NDST4: variants seen among roughly 807,000 people sequenced by gnomAD.
NDST4 encodes the protein N-deacetylase and N-sulfotransferase 4, also known as N-heparan sulfate sulfotransferase 4.
NDST4 carries 63 observed loss-of-function variants against 100.8 expected under a neutral mutation model. That is an observed-to-expected ratio of 0.62 (90% CI 0.51 to 0.77). NDST4 has a LOEUF of 0.77. NDST4 is among the 30% of genes least tolerant of loss of function. The pLI is 0.00. For synonymous variants in NDST4, 377 were observed against 361.8 expected (o/e 1.04, Z -0.48); for missense variants, 943 against 1,018.4 (o/e 0.93, Z 1.01).
chr4:115,004,755 C>G (rs553237714), intron 2 of NDST4, among the ~76,000 whole-genome samples: 11 of 152,236 alleles, frequency 7.2e-5, no homozygotes, highest in African/African-American at 2.6e-4. Context: ...TTCTTTAGTA[C>G]TTAATATTTC....
intron 2 of NDST4, among the ~76,000 whole-genome samples, chr4:115,040,622 A>G (rs1050064818): frequency 1.5e-4 from 23 of 152,112 alleles, no homozygotes; most frequent in South Asian, 4.1e-4. Context: ...TATTAAAACA[A>G]TGAGCATCCC....
intron 2 of NDST4, among the ~76,000 whole-genome samples, chr4:114,981,305 CT>C (rs1341688874): frequency 5.9e-5 from 9 of 151,936 alleles, no homozygotes. Context: ...AACTTTGCCC[CT>C]ATATAGCTAC....
chr4:115,070,089 A>G (rs1030812327), intron 2 of NDST4, among the ~76,000 whole-genome samples: 1 of 152,200 alleles, frequency 6.6e-6, no homozygotes, highest in East Asian at 1.9e-4. Flanking sequence ...CCAAAGGAAT[A>G]TACATCATTT....
chr4:115,019,753 T>C (rs931981464), intron 2 of NDST4, among the ~76,000 whole-genome samples: 1 of 152,126 alleles, frequency 6.6e-6, no homozygotes, highest in Non-Finnish European at 1.5e-5. Flanking sequence ...GCATAAGGGC[T>C]CTGCCCTCAA....
chr4:115,030,022 C>T (rs1250741397), intron 2 of NDST4, among the ~76,000 whole-genome samples: 2 of 151,022 alleles, frequency 1.3e-5, no homozygotes, highest in Admixed American at 1.3e-4. Context: ...ATATATTTTA[C>T]CTTATTGTGT....
At chr4:115,043,445 G>A (rs1387159025) in intron 2 of NDST4, among the ~76,000 whole-genome samples, 1 of 152,028 alleles carries the variant, frequency 6.6e-6, no homozygotes, top group Non-Finnish European at 1.5e-5. Context: ...TATAAATGAT[G>A]CACTCATGAC....
intron 2 of NDST4, among the ~76,000 whole-genome samples, chr4:115,040,081 G>A (rs1277957935): frequency 6.6e-6 from 1 of 151,436 alleles, no homozygotes; most frequent in Non-Finnish European, 1.5e-5. Context: ...ATTATTTATA[G>A]TTTTTGCAAA....
At chr4:114,945,909 A>T (rs540927446) in intron 4 of NDST4, among the ~76,000 whole-genome samples, 2 of 150,774 alleles carry the variant, frequency 1.3e-5, no homozygotes, top group South Asian at 4.2e-4. Context: ...TTTTGGACTG[A>T]AGCCTAGCAA....
intron 2 of NDST4, among the ~76,000 whole-genome samples, chr4:114,982,782 C>T (rs967676031): frequency 6.6e-6 from 1 of 152,086 alleles, no homozygotes; most frequent in Non-Finnish European, 1.5e-5. Flanking sequence ...TTTCAGAGAC[C>T]TTCACAGCAG....
At chr4:115,061,858 A>G (rs1372762908) in intron 2 of NDST4, among the ~76,000 whole-genome samples, 1 of 152,098 alleles carries the variant, frequency 6.6e-6, no homozygotes, top group African/African-American at 2.4e-5. Flanking sequence ...AGCATGGCAC[A>G]CTTAGTTGAA....
chr4:114,861,691 G>T (rs549313530), intron 7 of NDST4, among the ~76,000 whole-genome samples: 2 of 152,062 alleles, frequency 1.3e-5, no homozygotes, highest in African/African-American at 4.8e-5. Context: ...TAGCCAACTT[G>T]AGGATATAGA....
At chr4:115,004,385 C>A (rs1727366293) in intron 2 of NDST4, among the ~76,000 whole-genome samples, 1 of 152,156 alleles carries the variant, frequency 6.6e-6, no homozygotes, top group South Asian at 2.1e-4. Flanking sequence ...TTGCAAACAA[C>A]ATAATTCAGT....
chr4:115,072,450 AT>A (rs1729097542), intron 2 of NDST4, among the ~76,000 whole-genome samples: 1 of 152,090 alleles, frequency 6.6e-6, no homozygotes, highest in Non-Finnish European at 1.5e-5. Context: ...TTACAAAGCT[AT>A]AGTAATCACA....
intron 2 of NDST4, among the ~76,000 whole-genome samples, chr4:115,068,660 C>CA (rs1433332857): frequency 8.5e-6 from 1 of 117,070 alleles, no homozygotes; most frequent in Non-Finnish European, 1.8e-5. Flanking sequence ...AAAAAAAATA[C>CA]AAAAAAATTA....
intron 12 of NDST4, among the ~76,000 whole-genome samples, chr4:114,830,213 C>T (rs577545296): frequency 6.6e-6 from 1 of 152,122 alleles, no homozygotes; most frequent in Admixed American, 6.5e-5. Flanking sequence ...GAAATTACAG[C>T]CAATATATAA....
chr4:114,881,531 G>A (rs1007101533), intron 6 of NDST4, among the ~76,000 whole-genome samples: 1 of 152,010 alleles, frequency 6.6e-6, no homozygotes, highest in East Asian at 1.9e-4. Flanking sequence ...GAGCTAACAA[G>A]AGAGTATAGA....
At chr4:114,850,907 T>C (rs534276969) in intron 8 of NDST4, among the ~76,000 whole-genome samples, 1 of 152,322 alleles carries the variant, frequency 6.6e-6, no homozygotes, top group South Asian at 2.1e-4. Flanking sequence ...TTGAGTCCCT[T>C]AAGTCTAAGG....
At chr4:114,849,011 AC>A (rs2126187506) in intron 8 of NDST4, among the ~76,000 whole-genome samples, 1 of 152,320 alleles carries the variant, frequency 6.6e-6, no homozygotes, top group South Asian at 2.1e-4. Flanking sequence ...GTATTCTAAT[AC>A]TTTTCCTTAA....
At chr4:114,850,226 C>T (rs1385510523) in intron 8 of NDST4, among the ~76,000 whole-genome samples, 1 of 152,104 alleles carries the variant, frequency 6.6e-6, no homozygotes, top group Non-Finnish European at 1.5e-5. Flanking sequence ...TAAATATAGA[C>T]ACTTTATAGC....
Sources: allele counts gnomAD v4.1 joint callset (sites outside exome capture counted in the v4.1 genomes callset), GRCh38; gene constraint gnomAD v4.1.1; transcripts MANE v1.5; gene names NCBI Gene and HGNC (gene_info 2026-07-23, HGNC 2026-07-21).